PID1: variants seen among roughly 807,000 people sequenced by gnomAD.
The protein encoded by PID1 is PTB-containing, cubilin and LRP1-interacting protein.
PID1 carries 10 observed loss-of-function variants against 19.1 expected under a neutral mutation model. That is an observed-to-expected ratio of 0.52 (90% CI 0.32 to 0.89). The LOEUF is 0.89. Among genes scored for constraint, PID1 ranks in the 40% least tolerant of loss-of-function variants. The pLI, the probability that PID1 is intolerant of heterozygous loss-of-function variation, is 0.03. For missense variants in PID1, 248 were observed against 285.3 expected (o/e 0.87, Z 0.94); for synonymous variants, 130 against 116.0 (o/e 1.12, Z -0.78).
At chr2:229,115,439 A>T (rs1442813890) in intron 2 of PID1, among the ~76,000 whole-genome samples, 1 of 151,814 alleles carries the variant, frequency 6.6e-6, no homozygotes, top group African/African-American at 2.4e-5. Context: ...AAAAAGAAAT[A>T]AAGGAAAAAG....
intron 1 of PID1, among the ~76,000 whole-genome samples, chr2:229,192,133 A>G (rs142923409): frequency 6.6e-6 from 1 of 152,356 alleles, no homozygotes; most frequent in Admixed American, 6.5e-5. Context: ...CAGAAAATGT[A>G]GGGCAATTTA....
At chr2:229,163,091 A>G (rs1690522118) in intron 1 of PID1, among the ~76,000 whole-genome samples, 1 of 152,200 alleles carries the variant, frequency 6.6e-6, no homozygotes, top group Non-Finnish European at 1.5e-5. Flanking sequence ...TCTCTTACAT[A>G]TTAGTTCAAC....
chr2:229,025,764 C>A lies in PID1; in HGVS notation c.522G>T (p.Glu174Asp). Reference protein sequence around the residue: ...CHAVECESKLEAKKLAHAMME... With the variant: ...CHAVECESKLDAKKLAHAMME... Reference sequence around the variant, plus strand: ...TCATGGCGTGGGCCAGTTTCTTGGCCTCGAGCTTGCTCTCGCACTCCACGG... The same window carrying A: ...TCATGGCGTGGGCCAGTTTCTTGGCATCGAGCTTGCTCTCGCACTCCACGG... The change falls in exon 3 of 3, where the codon GAG becomes GAT. Residue 174 changes from glutamate (E) to aspartate (D), a missense_variant. By Grantham distance (45) the Glu-to-Asp change is conservative (BLOSUM62 2). Transcript: ENST00000392055. The A allele has an allele frequency of 6.2e-7, 1 of 1,614,238 alleles. No individual in the cohort carries two copies. Among genetic ancestry groups the A allele is most frequent in the Non-Finnish European group, 8.5e-7 (1 of 1,180,040 alleles).
At chr2:229,125,262 A>G (rs923422795) in intron 2 of PID1, among the ~76,000 whole-genome samples, 5 of 152,164 alleles carry the variant, frequency 3.3e-5, no homozygotes, top group Non-Finnish European at 7.3e-5. Context: ...CTTGGGTCTC[A>G]GAGTAGAAAT....
At chr2:229,127,351 T>C (rs1695643513) in intron 2 of PID1, among the ~76,000 whole-genome samples, 1 of 152,166 alleles carries the variant, frequency 6.6e-6, no homozygotes, top group Non-Finnish European at 1.5e-5. Context: ...GAGAATTGAC[T>C]TGAATTGTAA....
chr2:229,221,276 G>A (rs1039510106), intron 1 of PID1, among the ~76,000 whole-genome samples: 7 of 152,150 alleles, frequency 4.6e-5, no homozygotes, highest in African/African-American at 1.7e-4. Flanking sequence ...TGAAAGTCCT[G>A]AGTACTTTAG....
At chr2:229,218,496 A>G (rs1691897938) in intron 1 of PID1, among the ~76,000 whole-genome samples, 1 of 152,172 alleles carries the variant, frequency 6.6e-6, no homozygotes, top group African/African-American at 2.4e-5. Flanking sequence ...AAGCTTTGCC[A>G]GCAACAGCAC....
chr2:229,025,598 C>T lies in PID1; in HGVS notation c.*34G>A. 6.6e-7 allele frequency: 1 copy of T among 1,505,066 alleles called. No homozygotes were observed. Among genetic ancestry groups the T allele is most frequent in the Non-Finnish European group, 9.2e-7 (1 of 1,087,830 alleles). The allele number at this position is 1,505,066 out of a possible 1,614,324, so 93.2% of individuals were successfully genotyped here. Reference sequence around the variant, plus strand: ...CATCTATTCCCTTGAACTCCGTGACCAATGCTGCCTTTGCTGAAGCGTCTC... The same window carrying T: ...CATCTATTCCCTTGAACTCCGTGACTAATGCTGCCTTTGCTGAAGCGTCTC... On this transcript the variant is annotated 3_prime_UTR_variant, in exon 3 of 3. Coordinates refer to ENST00000392055, the MANE Select transcript of PID1 (RefSeq NM_001100818.2).
intron 2 of PID1, among the ~76,000 whole-genome samples, chr2:229,045,949 C>T (rs1693866121): frequency 6.6e-6 from 1 of 152,190 alleles, no homozygotes; most frequent in Admixed American, 6.5e-5. Flanking sequence ...CACTCTGTGA[C>T]AGGAAGGCCT....
chr2:229,061,795 A>C (rs1393724607), intron 2 of PID1, among the ~76,000 whole-genome samples: 1 of 151,972 alleles, frequency 6.6e-6, no homozygotes, highest in Non-Finnish European at 1.5e-5. Context: ...AGTGTTTTAT[A>C]GTTTTCAGCA....
chr2:229,067,299 A>G (rs1694348542), intron 2 of PID1, among the ~76,000 whole-genome samples: 1 of 152,188 alleles, frequency 6.6e-6, no homozygotes, highest in Non-Finnish European at 1.5e-5. Flanking sequence ...GGGTGGGGAC[A>G]CAGAGCCAAA....
rs530002393 is a variant in PID1, at chr2:229,232,649, G to C, written c.30+38365C>G. Among the ~76,000 whole-genome samples, 215 of 45,908 alleles carry C rather than the reference G, an allele frequency of 4.7e-3. 2 individuals carry two copies. The highest frequency in any genetic ancestry group is 0.012 in the African/African-American group (209 of 16,902). The allele number at this position is 45,908 out of a possible 152,430, so 30.1% of individuals were successfully genotyped here. ...CCACTCAACAAAATCACATCAATTT[G>C]TGTGTGTGTGTGTATGCATGTGTGT... On this transcript the variant is annotated intron_variant, in intron 1 of 2. Transcript: ENST00000392055.
intron 1 of PID1, among the ~76,000 whole-genome samples, chr2:229,182,645 T>C (rs186314637): frequency 6.6e-6 from 1 of 152,332 alleles, no homozygotes; most frequent in Admixed American, 6.5e-5. Flanking sequence ...TCACGTCCCT[T>C]GGTCTTTCTT....
intron 1 of PID1, among the ~76,000 whole-genome samples, chr2:229,163,680 T>TGCAC (rs1690539878): frequency 9.6e-6 from 1 of 103,714 alleles, no homozygotes. Context: ...TGTGTGCGTG[T>TGCAC]GCGTGTGTGT....
rs554591266 is a variant in PID1 at position 229,259,934 on chromosome 2, C to A, written c.30+11080G>T. On this transcript the variant is annotated intron_variant, in intron 1 of 2. Coordinates refer to ENST00000392055, the MANE Select transcript of PID1 (RefSeq NM_001100818.2). Reference sequence around the variant, plus strand: ...ATCAGAAACAGGCCTTCCCCAGACACTGAATCTGCTGGCATCTTTATCTTG... The same window carrying A: ...ATCAGAAACAGGCCTTCCCCAGACAATGAATCTGCTGGCATCTTTATCTTG... Among the ~76,000 whole-genome samples the A allele has an allele frequency of 2.0e-5, 3 of 152,234 alleles. No homozygotes were observed. In the South Asian group the frequency reaches 6.2e-4, roughly 32 times the overall value.
At chr2:229,065,606 T>A (rs1390106703) in intron 2 of PID1, among the ~76,000 whole-genome samples, 1 of 148,868 alleles carries the variant, frequency 6.7e-6, no homozygotes, top group Non-Finnish European at 1.5e-5. Context: ...ATTAAAACCA[T>A]AAGGGAGCTT....
chr2:229,232,150 G>A (rs1182752090), intron 1 of PID1: 10 of 1,443,506 alleles, frequency 6.9e-6, no homozygotes, highest in Non-Finnish European at 8.2e-6. Context: ...TTGGCCGGGT[G>A]CAGTGGCTCA....
At chr2:229,046,381 C>T (rs10460433) in intron 2 of PID1, among the ~76,000 whole-genome samples, 229 of 91,274 alleles carry the variant, frequency 2.5e-3, no homozygotes, top group South Asian at 6.7e-3. Flanking sequence ...TGTGTGTGTG[C>T]GTGTGTGTGT....
Position 229,072,967 on chromosome 2 carries a change from A to T in PID1, c.178-46859T>A, listed in dbSNP as rs191587517. Among the ~76,000 whole-genome samples, 570 of 152,354 alleles carry T rather than the reference A, an allele frequency of 3.7e-3. 7 individuals are homozygous for T. Among genetic ancestry groups the T allele is most frequent in the African/African-American group, 0.013 (545 of 41,580 alleles). On this transcript the variant is annotated intron_variant, in intron 2 of 2. Transcript: ENST00000392055. ...ATGAACAAACCTACTCAGCAAGGTG[A>T]TTACAAACTGCAGGGCCTAAAATGA...
Sources: gnomAD v4.1 joint callset for allele counts (sites outside exome capture counted in the v4.1 genomes callset) on GRCh38, gnomAD v4.1.1 for gene constraint, MANE v1.5 for transcripts, NCBI Gene and HGNC (gene_info 2026-07-23, HGNC 2026-07-21) for gene names.